Variants in FRMD4A observed in about 807,000 individuals in gnomAD.
FRMD4A encodes the protein FERM domain-containing protein 4A.
Under a neutral mutation model 129.1 loss-of-function variants are expected in FRMD4A, and 29 were observed. That is an observed-to-expected ratio of 0.22 (90% CI 0.17 to 0.31). The LOEUF is 0.31. Among genes scored for constraint, FRMD4A ranks in the 10% least tolerant of loss-of-function variants. The pLI, the probability that FRMD4A is intolerant of heterozygous loss-of-function variation, is 1.00. For synonymous variants in FRMD4A, 634 were observed against 571.6 expected (o/e 1.11, Z -1.56); for missense variants, 1,272 against 1,375.8 (o/e 0.92, Z 1.19).
intron 2 of FRMD4A, among the ~76,000 whole-genome samples, chr10:14,285,797 C>A (rs113818620): frequency 6.6e-6 from 1 of 152,122 alleles, no homozygotes; most frequent in Non-Finnish European, 1.5e-5. Flanking sequence ...ACTCATGATC[C>A]GACGTCAGGG....
intron 6 of FRMD4A, among the ~76,000 whole-genome samples, chr10:13,763,549 G>T (rs2092159789): frequency 6.6e-6 from 1 of 152,156 alleles, no homozygotes; most frequent in Non-Finnish European, 1.5e-5. Flanking sequence ...CTGTTACACA[G>T]TGTAAGTTTA....
At chr10:13,648,195 T>C (rs1336907660) in intron 24 of FRMD4A, 1 of 152,176 alleles carries the variant, frequency 6.6e-6, no homozygotes, top group East Asian at 1.9e-4. Context: ...AGTCCTGTGT[T>C]TGGAGCACCA....
At chr10:13,658,881 C>CA (rs60536121) in intron 21 of FRMD4A, among the ~76,000 whole-genome samples, 12,536 of 74,740 alleles carry the variant, frequency 0.17, 809 homozygotes, top group African/African-American at 0.21. Flanking sequence ...GACTCCATCT[C>CA]AAAAAAAAAA....
chr10:14,327,540 G>C (rs1843325417), intron 2 of FRMD4A, among the ~76,000 whole-genome samples: 1 of 152,232 alleles, frequency 6.6e-6, no homozygotes, highest in African/African-American at 2.4e-5. Context: ...GGCAAGGCTA[G>C]AATGGAGCAC....
chr10:14,102,250 G>A (rs2131776876), intron 2 of FRMD4A, among the ~76,000 whole-genome samples: 1 of 152,296 alleles, frequency 6.6e-6, no homozygotes, highest in Non-Finnish European at 1.5e-5. Flanking sequence ...CACTGGGCCA[G>A]ACACGGTGAC....
chr10:14,306,006 G>C (rs1309309989), intron 2 of FRMD4A, among the ~76,000 whole-genome samples: 1 of 152,146 alleles, frequency 6.6e-6, no homozygotes. Context: ...AGAGCATCAG[G>C]AAGAATAGCT....
intron 2 of FRMD4A, among the ~76,000 whole-genome samples, chr10:14,130,505 C>T (rs1464860436): frequency 6.6e-6 from 1 of 152,206 alleles, no homozygotes; most frequent in African/African-American, 2.4e-5. Flanking sequence ...CGCACCCCGG[C>T]CTACCAAAGT....
At chr10:13,652,329 A>G in intron 23 of FRMD4A, 1 of 305,852 alleles carries the variant, frequency 3.3e-6, no homozygotes, top group Non-Finnish European at 6.2e-6. Flanking sequence ...TCTTAAGTGC[A>G]TAGGACCCTG....
chr10:14,254,160 A>T (rs928686704), intron 2 of FRMD4A, among the ~76,000 whole-genome samples: 1 of 152,158 alleles, frequency 6.6e-6, no homozygotes, highest in East Asian at 1.9e-4. Flanking sequence ...TCACCCCTAG[A>T]CATTCTTCCA....
rs556435567 is a variant in FRMD4A at position 14,267,571 on chromosome 10, A to G, written c.45+62487T>C. 6.6e-5 allele frequency among the ~76,000 whole-genome samples: 10 copies of G among 152,334 alleles called. No homozygotes were observed. In the East Asian group the frequency reaches 1.7e-3, roughly 26 times the overall value. The stretch of plus-strand genomic sequence containing the variant: ...TGGAATATCTATTTTTATATATAGA[A>G]TGGACTATACTCTTCATTTTCTTTC... On this transcript the variant is annotated intron_variant, in intron 2 of 24. Transcript: ENST00000357447.
chr10:13,879,675 C>G (rs937905599), intron 2 of FRMD4A, among the ~76,000 whole-genome samples: 5 of 93,866 alleles, frequency 5.3e-5, no homozygotes, highest in Non-Finnish European at 9.5e-5. Context: ...TCTTCCTCCT[C>G]CTTCTTCTTT....
intron 2 of FRMD4A, among the ~76,000 whole-genome samples, chr10:14,212,399 C>A (rs1842956669): frequency 6.6e-6 from 1 of 152,162 alleles, no homozygotes; most frequent in Non-Finnish European, 1.5e-5. Flanking sequence ...TGTCAGAGGA[C>A]AAAGGCGTGG....
intron 2 of FRMD4A, among the ~76,000 whole-genome samples, chr10:13,860,060 G>C (rs1219754632): frequency 6.6e-6 from 1 of 152,094 alleles, no homozygotes; most frequent in African/African-American, 2.4e-5. Context: ...GCATTTGCTG[G>C]AGCCTGGCAT....
Position 14,327,582 on chromosome 10 carries a change from G to A in FRMD4A, c.45+2476C>T, listed in dbSNP as rs994295575. 2.0e-5 allele frequency among the ~76,000 whole-genome samples: 3 copies of A among 152,208 alleles called. No individual in the cohort carries two copies. In the East Asian group the frequency reaches 5.8e-4, roughly 29 times the overall value. ...GTCCAACCCTCCAGACTCTGTGGCCGCTTCTGTAACCAATTAAACATGCTC... is the reference window on the plus strand; with the variant it reads ...GTCCAACCCTCCAGACTCTGTGGCCACTTCTGTAACCAATTAAACATGCTC... On this transcript the variant is annotated intron_variant, in intron 2 of 24. Transcript: ENST00000357447.
chr10:13,894,626 T>A (rs1285383479), intron 2 of FRMD4A, among the ~76,000 whole-genome samples: 1 of 152,178 alleles, frequency 6.6e-6, no homozygotes, highest in Non-Finnish European at 1.5e-5. Context: ...TTATTCACAT[T>A]TCCTGCTTCC....
rs555487276 is a variant in FRMD4A, at chr10:13,716,372, A to T, written c.760-9259T>A. Among the ~76,000 whole-genome samples, 34 of 152,342 alleles carry T rather than the reference A, an allele frequency of 2.2e-4. 1 individual carries two copies. Among genetic ancestry groups the T allele is most frequent in the Middle Eastern group, 6.8e-3 (2 of 294 alleles). On this transcript the variant is annotated intron_variant, in intron 12 of 24. Transcript: ENST00000357447. The stretch of plus-strand genomic sequence containing the variant: ...ACAGAGTGGGCTATAATGGGAACAT[A>T]TCAGGCCCTCCCAAATACCCAAACA...
chr10:14,069,247 T>G (rs1354739850), intron 2 of FRMD4A, among the ~76,000 whole-genome samples: 1 of 152,220 alleles, frequency 6.6e-6, no homozygotes, highest in Non-Finnish European at 1.5e-5. Flanking sequence ...ACTATGTTAT[T>G]GAACTGCCAT....
intron 2 of FRMD4A, among the ~76,000 whole-genome samples, chr10:14,260,269 T>C (rs1377958094): frequency 6.6e-6 from 1 of 152,184 alleles, no homozygotes; most frequent in Non-Finnish European, 1.5e-5. Context: ...TTAAGAGGAA[T>C]TGGAGTTTGG....
In FRMD4A at chr10:13,657,231, C is replaced by T. The variant is rs150697590; in HGVS notation, c.2358G>A (p.Arg786=). The change falls in exon 22 of 25, where the codon CGG becomes CGA. Residue 786 remains arginine, a synonymous_variant. Coordinates refer to ENST00000357447, the MANE Select transcript of FRMD4A (RefSeq NM_018027.5). ...AGCCCAGTGCGCCCGCCGCCCGCTG[C>T]CGCTGCCTCTGCCTCTGGCGCGCCT... ...PSKARQRQRQ[R]QRAAGALGSA... is the part of the protein sequence containing the mutation. 1.7e-3 allele frequency: 2,689 copies of T among 1,576,392 alleles called. 29 individuals carry two copies. The highest frequency in any genetic ancestry group is 0.015 in the African/African-American group (1,104 of 74,290).
Sources: allele counts gnomAD v4.1 joint callset (sites outside exome capture counted in the v4.1 genomes callset), GRCh38; gene constraint gnomAD v4.1.1; transcripts MANE v1.5; gene names NCBI Gene and HGNC (gene_info 2026-07-23, HGNC 2026-07-21).